ART1: variants seen among roughly 807,000 people sequenced by gnomAD.
The protein encoded by ART1 is ADP-ribosyltransferase 1, also known as GPI-linked NAD(P)(+)--arginine ADP-ribosyltransferase 1.
In ART1, 29 loss-of-function variants were observed where a neutral mutation model predicts 27.0. That is an observed-to-expected ratio of 1.08 (90% CI 0.80 to 1.47). ART1 has a LOEUF of 1.47. ART1 is among the 40% of genes most tolerant of loss of function. The pLI, the probability that ART1 is intolerant of heterozygous loss-of-function variation, is 0.00. For missense variants in ART1, 480 were observed against 423.0 expected (o/e 1.13, Z -1.18); for synonymous variants, 201 against 172.2 (o/e 1.17, Z -1.31).
chr11:3,662,366 G>C (rs2077627300), intron 4 of ART1, among the ~76,000 whole-genome samples: 1 of 152,168 alleles, frequency 6.6e-6, no homozygotes. Flanking sequence ...CATTTCCAGG[G>C]AAGAAACAGC....
At chr11:3,660,623 G>A (rs1023045063) in intron 3 of ART1, among the ~76,000 whole-genome samples, 5 of 152,180 alleles carry the variant, frequency 3.3e-5, no homozygotes, top group Admixed American at 6.5e-5. Context: ...CCAACGCAGC[G>A]GTCTCTGGCC....
intron 3 of ART1, among the ~76,000 whole-genome samples, chr11:3,660,604 G>T (rs2077613426): frequency 6.6e-6 from 1 of 152,214 alleles, no homozygotes; most frequent in African/African-American, 2.4e-5. Flanking sequence ...GGCTGAAGAG[G>T]TTTCCTGGCC....
chr11:3,655,111 G>C (rs112385210), intron 1 of ART1, among the ~76,000 whole-genome samples: 1 of 152,204 alleles, frequency 6.6e-6, no homozygotes, highest in South Asian at 2.1e-4. Flanking sequence ...TGCTCAGGCC[G>C]CCGGTCTGGC....
intron 3 of ART1, 137 bp from the exon 4 acceptor site, chr11:3,661,234 AC>A (rs1464903074): frequency 2.8e-6 from 2 of 716,268 alleles, no homozygotes; most frequent in African/African-American, 3.6e-5. Context: ...GGGAGGTTCC[AC>A]CATGAAAGAG....
At position 3,660,061 on chromosome 11, in the gene ART1, T is replaced by C. The variant is rs2077607408; in HGVS notation, c.542T>C (p.Val181Ala). 1 of 1,613,562 alleles carries C rather than the reference T, an allele frequency of 6.2e-7. No homozygotes were observed. Among genetic ancestry groups the C allele is most frequent in the Non-Finnish European group, 8.5e-7 (1 of 1,179,918 alleles). ...CGGTGCCACCAGGTGTTCCGAGGTG[T>C]GCACGGCCTGCGCTTCCGGCCAGCA... is the stretch of plus-strand genomic sequence containing the variant. ...PPRCHQVFRG[V>A]HGLRFRPAGP... The change falls in exon 3 of 5, where the codon GTG becomes GCG. Residue 181 changes from valine to alanine, a missense_variant. Transcript: ENST00000250693.
chr11:3,648,447 C>T (rs989327323), intron 1 of ART1, among the ~76,000 whole-genome samples: 1 of 152,208 alleles, frequency 6.6e-6, no homozygotes, highest in East Asian at 1.9e-4. Context: ...TCACCAATTT[C>T]AAATCCAGTA....
intron 1 of ART1, among the ~76,000 whole-genome samples, chr11:3,657,754 C>T (rs1418482011): frequency 6.6e-6 from 1 of 152,138 alleles, no homozygotes; most frequent in Non-Finnish European, 1.5e-5. Context: ...CATTTTACTT[C>T]TCAAAATCTT....
intron 2 of ART1, 69 bp downstream of exon 2, chr11:3,659,345 G>A: frequency 6.2e-7 from 1 of 1,600,820 alleles, no homozygotes; most frequent in South Asian, 1.1e-5. Context: ...GAACCCTGGA[G>A]GGAGAAAGAG....
In ART1 at chr11:3,661,508, T is replaced by TTTTTTG; in HGVS notation, c.886+98_886+99insTTGTTT. 4 of 1,101,136 alleles carry TTTTTTG rather than the reference T, an allele frequency of 3.6e-6. No individual in the cohort carries two copies. In the South Asian group the frequency reaches 6.4e-5, roughly 17 times the overall value. The allele number at this position is 1,101,136 out of a possible 1,614,324, so 68.2% of individuals were successfully genotyped here. A position where few individuals can be genotyped will look rare whatever the true frequency, so the allele number is the denominator to read the frequency against. ...CCTCGATCTTTTTTTTTTTTTTTTT[T>TTTTTTG]TTTGAGACAGAGTTTCACTCTTGTT... On this transcript the variant is annotated intron_variant, in intron 4 of 4. Transcript: ENST00000250693.
intron 1 of ART1, among the ~76,000 whole-genome samples, chr11:3,650,035 G>A (rs180993402): frequency 6.4e-4 from 98 of 152,258 alleles, no homozygotes; most frequent in African/African-American, 9.1e-4. Flanking sequence ...TCACCTTCAA[G>A]GTATACAATA....
At chr11:3,653,699 G>C (rs1465050398) in intron 1 of ART1, among the ~76,000 whole-genome samples, 1 of 152,100 alleles carries the variant, frequency 6.6e-6, no homozygotes, top group Non-Finnish European at 1.5e-5. Context: ...CTAGTTTAAA[G>C]AATGGAAACC....
chr11:3,651,589 G>T (rs902812499), intron 1 of ART1, among the ~76,000 whole-genome samples: 1 of 151,228 alleles, frequency 6.6e-6, no homozygotes, highest in African/African-American at 2.5e-5. Flanking sequence ...TGCAGCGGCT[G>T]CCGCTGCTTT....
chr11:3,655,250 C>G (rs766226030), intron 1 of ART1, among the ~76,000 whole-genome samples: 67 of 152,154 alleles, frequency 4.4e-4, no homozygotes, highest in Non-Finnish European at 7.6e-4. Flanking sequence ...AAAGCAGACC[C>G]ACAGACAAGT....
intron 1 of ART1, among the ~76,000 whole-genome samples, chr11:3,647,800 GT>G (rs919730350): frequency 6.6e-5 from 10 of 151,612 alleles, no homozygotes; most frequent in Admixed American, 5.3e-4. Context: ...ATTATGTGCA[GT>G]TTTTTGTATA....
chr11:3,660,401 G>A (rs780646905), intron 3 of ART1, 38 bp downstream of exon 3: 4 of 1,566,176 alleles, frequency 2.6e-6, no homozygotes, highest in Non-Finnish European at 3.4e-6. Flanking sequence ...TGTGCGGAAG[G>A]TGGACCTTCC....
chr11:3,660,069 C>G lies in ART1; in HGVS notation c.550C>G (p.Leu184Val), dbSNP rs143216187. 7.2e-5 allele frequency: 116 copies of G among 1,613,634 alleles called. 1 individual carries two copies. The African/African-American group carries it at 1.1e-3, about 15-fold the overall frequency. ...CCAGGTGTTCCGAGGTGTGCACGGC[C>G]TGCGCTTCCGGCCAGCAGGGCCCCG... ...CHQVFRGVHGLRFRPAGPRAT... is the reference protein window; with the variant it reads ...CHQVFRGVHGVRFRPAGPRAT... The change falls in exon 3 of 5, where the codon CTG becomes GTG. Residue 184 changes from leucine to valine, a missense_variant. Physicochemically the swap from Leu to Val is conservative, Grantham distance 32. Coordinates refer to ENST00000250693, the MANE Select transcript of ART1 (RefSeq NM_004314.3).
intron 1 of ART1, among the ~76,000 whole-genome samples, chr11:3,654,740 G>C (rs2077555558): frequency 3.3e-5 from 4 of 122,456 alleles, no homozygotes; most frequent in Admixed American, 2.5e-4. Context: ...TCCTACCTCT[G>C]TCTATCCTCA....
chr11:3,663,129 C>CTCA (rs1554883272), intron 4 of ART1, among the ~76,000 whole-genome samples: 26 of 147,674 alleles, frequency 1.8e-4, no homozygotes, highest in East Asian at 5.9e-4. Flanking sequence ...CTCATCTCAT[C>CTCA]TCATCTCATC....
chr11:3,657,433 G>A (rs895615118), intron 1 of ART1, among the ~76,000 whole-genome samples: 3 of 152,076 alleles, frequency 2.0e-5, no homozygotes, highest in African/African-American at 4.8e-5. Flanking sequence ...AAATAAGCCA[G>A]GCATCGTGAT....
Sources: gnomAD v4.1 joint callset for allele counts (sites outside exome capture counted in the v4.1 genomes callset) on GRCh38, gnomAD v4.1.1 for gene constraint, MANE v1.5 for transcripts, NCBI Gene and HGNC (gene_info 2026-07-23, HGNC 2026-07-21) for gene names.